The following TGIF2LX variants were observed in gnomAD, a reference collection of about 807,000 sequenced individuals.
The protein encoded by TGIF2LX is TGFB induced factor homeobox 2 like X-linked.
A neutral mutation model predicts 1.2 loss-of-function variants in TGIF2LX; 1 was observed. The observed-to-expected ratio is 0.85, with a 90% CI of 0.30 to 4.01. The LOEUF (loss-of-function observed/expected upper bound fraction) is 4.01, where lower values mean the gene tolerates loss of function less well. Ranked by LOEUF, TGIF2LX falls within the 30% of genes most tolerant of loss-of-function variation. TGIF2LX has a pLI of 0.18. For synonymous variants in TGIF2LX, 69 were observed against 85.0 expected (o/e 0.81, Z 1.04); for missense variants, 97 against 196.0 (o/e 0.49, Z 3.02).
At position 89,922,100 on chromosome X, in the gene TGIF2LX, G is replaced by A. The variant is rs903235212; in HGVS notation, c.15G>A (p.Ala5=). MEAA[A]DGPAETQSPV... ...CCTCTTGGAATATGGAGGCCGCTGCGGACGGCCCGGCTGAGACCCAAAGCC... is the reference window on the plus strand; with the variant it reads ...CCTCTTGGAATATGGAGGCCGCTGCAGACGGCCCGGCTGAGACCCAAAGCC... The change falls in exon 2 of 2, where the codon GCG becomes GCA. Residue 5 remains alanine, a synonymous_variant. Transcript: ENST00000283891. 6 of 1,208,991 alleles carry A rather than the reference G, an allele frequency of 5.0e-6. No individual in the cohort carries two copies. The highest frequency in any genetic ancestry group is 6.7e-6 in the Non-Finnish European group (6 of 895,025).
Position 89,922,799 on chromosome X carries a change from G to A in TGIF2LX, c.714G>A (p.Glu238=). The change falls in exon 2 of 2, where the codon GAG becomes GAA. Residue 238 remains glutamate (E), a synonymous_variant. Transcript: ENST00000283891. ...AAELELEKKQ[E]PNP The stretch of plus-strand genomic sequence containing the variant: ...AGCTGGAGCTAGAGAAGAAGCAAGA[G>A]CCTAATCCATGATTGATGATGTTCC... 3.3e-6 allele frequency: 4 copies of A among 1,204,735 alleles called. No homozygotes were observed. Among genetic ancestry groups the A allele is most frequent in the Non-Finnish European group, 4.5e-6 (4 of 892,949 alleles).
At position 89,922,188 on chromosome X, in the gene TGIF2LX, A is replaced by C; in HGVS notation, c.103A>C (p.Arg35=). The change falls in exon 2 of 2, where the codon AGA becomes CGA. Residue 35 remains arginine (R), a synonymous_variant. Transcript: ENST00000283891. ...SPAQDTSIMS[R]NNADTGRVLA... ...AGCCCAAGACACCTCAATCATGTCG[A>C]GAAATAACGCAGATACAGGCAGAGT... 8.3e-7 allele frequency: 1 copy of C among 1,210,658 alleles called. No individual in the cohort carries two copies. The highest frequency in any genetic ancestry group is 1.1e-6 in the Non-Finnish European group (1 of 895,060).
Position 89,922,859 on chromosome X carries a change from G to C in TGIF2LX, c.*48G>C. 8.8e-7 allele frequency: 1 copy of C among 1,142,228 alleles called. No individual in the cohort carries two copies. Among genetic ancestry groups the C allele is most frequent in the Non-Finnish European group, 1.2e-6 (1 of 858,888 alleles). 94.1% of individuals were successfully genotyped at this position (1,142,228 alleles called of 1,213,427 possible). On this transcript the variant is annotated 3_prime_UTR_variant, in exon 2 of 2. Transcript: ENST00000283891. ...AGTAGTCAGTCCCTTATGTACTGTG[G>C]TAAACCTGTTTATGTTCACCCCAAC... is the stretch of plus-strand genomic sequence containing the variant.
rs1448902073 is a variant in TGIF2LX at position 89,921,957 on chromosome X, C to T, written c.-33C>T. ...TGTTAGCAACGCTGTTTGTCTTTCT[C>T]GGAAACAACAGGTGAGAATTCCCCT... is the stretch of plus-strand genomic sequence containing the variant. On this transcript the variant is annotated 5_prime_UTR_variant, in exon 1 of 2. Transcript: ENST00000283891. 6.1e-6 allele frequency: 6 copies of T among 988,340 alleles called. No individual in the cohort carries two copies. The highest frequency in any genetic ancestry group is 5.8e-5 in the African/African-American group (3 of 51,476). 81.5% of individuals were successfully genotyped at this position (988,340 alleles called of 1,213,427 possible). A position where few individuals can be genotyped will look rare whatever the true frequency, so the allele number is the denominator to read the frequency against.
chrX:89,922,506 T>A lies in TGIF2LX; in HGVS notation c.421T>A (p.Ser141Thr), dbSNP rs1159265872. ...HATHLQSTEASVPAKSGPSGP... is the reference protein window; with the variant it reads ...HATHLQSTEATVPAKSGPSGP... ...CACCCACCTGCAGAGCACCGAGGCGTCTGTGCCGGCCAAGTCAGGGCCCAG... is the reference window on the plus strand; with the variant it reads ...CACCCACCTGCAGAGCACCGAGGCGACTGTGCCGGCCAAGTCAGGGCCCAG... Residue 141 changes from serine (S) to threonine (T), a missense_variant, in exon 2 of 2, where the codon TCT (serine) becomes ACT (threonine). Physicochemically the swap from Ser to Thr is moderately conservative, Grantham distance 58. Coordinates refer to ENST00000283891, the MANE Select transcript of TGIF2LX (RefSeq NM_138960.4). 19 of 1,210,365 alleles carry A rather than the reference T, an allele frequency of 1.6e-5. No homozygotes were observed. The highest frequency in any genetic ancestry group is 2.0e-5 in the Non-Finnish European group (18 of 895,322).
chrX:89,922,807 C>G lies in TGIF2LX; in HGVS notation c.722C>G (p.Pro241Arg), dbSNP rs752282901. ...LELEKKQEPN[P>R] ...CTAGAGAAGAAGCAAGAGCCTAATC[C>G]ATGATTGATGATGTTCCAAAAACCC... The change falls in exon 2 of 2, where the codon CCA (proline) becomes CGA (arginine). Residue 241 changes from proline to arginine, a missense_variant. Around this residue, in one of 3 missense-constraint regions of TGIF2LX, gnomAD observed 74 missense variants for 142.5 expected, o/e 0.52. Coordinates refer to ENST00000283891, the MANE Select transcript of TGIF2LX (RefSeq NM_138960.4). 1 of 1,200,131 alleles carries G rather than the reference C, an allele frequency of 8.3e-7. No individual in the cohort carries two copies. The highest frequency in any genetic ancestry group is 1.1e-6 in the Non-Finnish European group (1 of 891,391).
rs1000242752 is a variant in TGIF2LX, at chrX:89,922,123, G to C, written c.38G>C (p.Ser13Thr). ...AAADGPAETQSPVEKDSPAKT... is the reference protein window; with the variant it reads ...AAADGPAETQTPVEKDSPAKT... ...GCGGACGGCCCGGCTGAGACCCAAA[G>C]CCCGGTGGAAAAAGACAGCCCGGCG... The change falls in exon 2 of 2, where the codon AGC (serine) becomes ACC (threonine). Residue 13 changes from serine to threonine, a missense_variant. This residue lies in a region of TGIF2LX where 23 missense variants were observed against 33.8 expected (regional missense o/e 0.68). Transcript: ENST00000283891. 5.8e-6 allele frequency: 7 copies of C among 1,211,223 alleles called. No homozygotes were observed. Among genetic ancestry groups the C allele is most frequent in the Non-Finnish European group, 6.7e-6 (6 of 895,377 alleles).
chrX:89,922,068 C>G lies in TGIF2LX; in HGVS notation c.-18C>G. The G allele has an allele frequency of 3.3e-6, 4 of 1,211,296 alleles. No homozygotes were observed. The highest frequency in any genetic ancestry group is 4.5e-6 in the Non-Finnish European group (4 of 895,393). On this transcript the variant is annotated 5_prime_UTR_variant, in exon 2 of 2. Transcript: ENST00000283891. ...TTGTCTGTGATTCTCAATATAGTAA[C>G]GATAAGCCTCTTGGAATATGGAGGC...
In TGIF2LX at chrX:89,922,126, C is replaced by A. The variant is rs756446097; in HGVS notation, c.41C>A (p.Pro14Gln). ...AADGPAETQS[P>Q]VEKDSPAKTQ... ...GACGGCCCGGCTGAGACCCAAAGCC[C>A]GGTGGAAAAAGACAGCCCGGCGAAG... is the stretch of plus-strand genomic sequence containing the variant. Residue 14 changes from proline (P) to glutamine (Q), a missense_variant, in exon 2 of 2, where the codon CCG becomes CAG. By Grantham distance (76) the Pro-to-Gln change is moderately conservative. Coordinates refer to ENST00000283891, the MANE Select transcript of TGIF2LX (RefSeq NM_138960.4). 5.0e-6 allele frequency: 6 copies of A among 1,208,518 alleles called. No individual in the cohort carries two copies. In the South Asian group the frequency reaches 1.1e-4, roughly 21 times the overall value.
Position 89,922,371 on chromosome X carries a change from C to A in TGIF2LX, c.286C>A (p.Gln96Lys). 1 of 1,212,062 alleles carries A rather than the reference C, an allele frequency of 8.3e-7. No individual in the cohort carries two copies. The highest frequency in any genetic ancestry group is 1.1e-6 in the Non-Finnish European group (1 of 895,618). ...AGAGAAGACCAATTTGTCTTTGTTG[C>A]AGATTTCTAACTGGTTTATCAATGC... ...LSEKTNLSLL[Q>K]ISNWFINARR... The change falls in exon 2 of 2, where the codon CAG becomes AAG. Residue 96 changes from glutamine (Q) to lysine (K), a missense_variant. This residue lies in a region of TGIF2LX where 74 missense variants were observed against 142.5 expected (regional missense o/e 0.52). Coordinates refer to ENST00000283891, the MANE Select transcript of TGIF2LX (RefSeq NM_138960.4).
chrX:89,922,664 C>A lies in TGIF2LX; in HGVS notation c.579C>A (p.Val193=). 1.6e-6 allele frequency: 2 copies of A among 1,212,247 alleles called. No individual in the cohort carries two copies. The highest frequency in any genetic ancestry group is 2.2e-6 in the Non-Finnish European group (2 of 895,657). The part of the protein sequence containing the change: ...LTGIAQPKKK[V]KVSVTSPSSP... ...GAATAGCCCAGCCGAAGAAAAAGGT[C>A]AAGGTTTCTGTCACATCCCCGTCTT... The change falls in exon 2 of 2, where the codon GTC becomes GTA. Residue 193 remains valine, a synonymous_variant. Transcript: ENST00000283891.
rs751212646 is a variant in TGIF2LX at position 89,922,432 on chromosome X, G to T, written c.347G>T (p.Arg116Leu). The T allele has an allele frequency of 8.3e-7, 1 of 1,210,048 alleles. No individual in the cohort carries two copies. Among genetic ancestry groups the T allele is most frequent in the Admixed American group, 2.2e-5 (1 of 45,814 alleles). The change falls in exon 2 of 2, where the codon CGT (arginine) becomes CTT (leucine). Residue 116 changes from arginine (R) to leucine (L), a missense_variant. Arg to Leu is a moderately radical substitution (Grantham distance 102). This residue lies in a region of TGIF2LX where 74 missense variants were observed against 142.5 expected (regional missense o/e 0.52). Transcript: ENST00000283891. ...ATTCTCCCGGATATGCTTCAACAGC[G>T]TAGAAACGACCCCATCATTGGCCAC... ...RRILPDMLQQ[R>L]RNDPIIGHKT...
Position 89,921,976 on chromosome X carries a change from T to A in TGIF2LX, c.-22+8T>A. 2.0e-6 allele frequency: 2 copies of A among 989,721 alleles called. No homozygotes were observed. The highest frequency in any genetic ancestry group is 2.8e-6 in the Non-Finnish European group (2 of 719,524). 81.6% of individuals were successfully genotyped at this position (989,721 alleles called of 1,213,427 possible). A position where few individuals can be genotyped will look rare whatever the true frequency, so the allele number is the denominator to read the frequency against. ...CTTTCTCGGAAACAACAGGTGAGAA[T>A]TCCCCTTACAGACCTGCCCATGCTT... is the stretch of plus-strand genomic sequence containing the variant. On this transcript the variant is annotated splice_region_variant and intron_variant, in intron 1 of 1. Coordinates refer to ENST00000283891, the MANE Select transcript of TGIF2LX (RefSeq NM_138960.4).
Position 89,922,638 on chromosome X carries a change from G to A in TGIF2LX, c.553G>A (p.Gly185Arg), listed in dbSNP as rs754800415. The A allele has an allele frequency of 1.9e-5, 23 of 1,210,726 alleles. No individual in the cohort carries two copies. The highest frequency in any genetic ancestry group is 2.3e-4 in the Middle Eastern group (1 of 4,356). Residue 185 changes from glycine (G) to arginine (R), a missense_variant, in exon 2 of 2, where the codon GGA (glycine) becomes AGA (arginine). Physicochemically the swap from Gly to Arg is moderately radical, Grantham distance 125. Coordinates refer to ENST00000283891, the MANE Select transcript of TGIF2LX (RefSeq NM_138960.4). Reference sequence around the variant, plus strand: ...GTCGGCCCCTAGCCAGAAGCTCACCGGAATAGCCCAGCCGAAGAAAAAGGT... The same window carrying A: ...GTCGGCCCCTAGCCAGAAGCTCACCAGAATAGCCCAGCCGAAGAAAAAGGT... The part of the protein sequence containing the change: ...PESAPSQKLT[G>R]IAQPKKKVKV...
rs1921201847 is a variant in TGIF2LX at position 89,921,925 on chromosome X, G to A, written c.-65G>A. The A allele has an allele frequency of 2.4e-6, 2 of 851,007 alleles. No homozygotes were observed. The highest frequency in any genetic ancestry group is 4.1e-5 in the African/African-American group (2 of 49,071). The allele number at this position is 851,007 out of a possible 1,213,427, so 70.1% of individuals were successfully genotyped here. The stretch of plus-strand genomic sequence containing the variant: ...ACTGAGATAACCAGCTCGGCTGTTA[G>A]CAACTCTGTTAGCAACGCTGTTTGT... On this transcript the variant is annotated 5_prime_UTR_variant, in exon 1 of 2. Transcript: ENST00000283891.
In TGIF2LX at chrX:89,922,103, C is replaced by T. The variant is rs372625687; in HGVS notation, c.18C>T (p.Asp6=). ...CTTGGAATATGGAGGCCGCTGCGGA[C>T]GGCCCGGCTGAGACCCAAAGCCCGG... The part of the protein sequence containing the change: MEAAA[D]GPAETQSPVE... Residue 6 remains aspartate, a synonymous_variant, in exon 2 of 2, where the codon GAC becomes GAT. Transcript: ENST00000283891. 1.7e-6 allele frequency: 2 copies of T among 1,211,239 alleles called. No homozygotes were observed. Among genetic ancestry groups the T allele is most frequent in the Non-Finnish European group, 1.1e-6 (1 of 895,395 alleles).
intron 1 of TGIF2LX, 26 bp from the exon 2 acceptor site, chrX:89,922,039 T>G (rs770842858): frequency 5.0e-5 from 60 of 1,208,079 alleles, no homozygotes. Flanking sequence ...TTGTCCTAAC[T>G]CAGTTGTCTG....
In TGIF2LX at chrX:89,922,337, A is replaced by G; in HGVS notation, c.252A>G (p.Gln84=). 8.3e-7 allele frequency: 1 copy of G among 1,211,801 alleles called. No individual in the cohort carries two copies. The highest frequency in any genetic ancestry group is 1.1e-6 in the Non-Finnish European group (1 of 895,467). ...FKAYPSEEEK[Q]MLSEKTNLSL... Reference sequence around the variant, plus strand: ...CCTACCCTTCAGAAGAAGAGAAGCAAATGCTGTCAGAGAAGACCAATTTGT... The same window carrying G: ...CCTACCCTTCAGAAGAAGAGAAGCAGATGCTGTCAGAGAAGACCAATTTGT... The change falls in exon 2 of 2, where the codon CAA becomes CAG. Residue 84 remains glutamine, a synonymous_variant. Coordinates refer to ENST00000283891, the MANE Select transcript of TGIF2LX (RefSeq NM_138960.4).
At position 89,922,449 on chromosome X, in the gene TGIF2LX, A is replaced by G. The variant is rs1399935693; in HGVS notation, c.364A>G (p.Ile122Val). The G allele has an allele frequency of 8.3e-7, 1 of 1,210,061 alleles. No homozygotes were observed. Among genetic ancestry groups the G allele is most frequent in the Non-Finnish European group, 1.1e-6 (1 of 895,200 alleles). The change falls in exon 2 of 2, where the codon ATT (isoleucine) becomes GTT (valine). Residue 122 changes from isoleucine (I) to valine (V), a missense_variant. Physicochemically the swap from Ile to Val is conservative, Grantham distance 29 (BLOSUM62 3). Around this residue, in one of 3 missense-constraint regions of TGIF2LX, gnomAD observed 74 missense variants for 142.5 expected, o/e 0.52. Coordinates refer to ENST00000283891, the MANE Select transcript of TGIF2LX (RefSeq NM_138960.4). Reference protein sequence around the residue: ...MLQQRRNDPIIGHKTGKDAHA... With the variant: ...MLQQRRNDPIVGHKTGKDAHA... The stretch of plus-strand genomic sequence containing the variant: ...TCAACAGCGTAGAAACGACCCCATC[A>G]TTGGCCACAAAACGGGCAAAGATGC...
Sources: allele counts gnomAD v4.1 joint callset, GRCh38; gene constraint gnomAD v4.1.1; regional missense constraint gnomAD v4.1.1; transcripts MANE v1.5; gene names NCBI Gene and HGNC (gene_info 2026-07-23, HGNC 2026-07-21).